TENM3: variants seen among roughly 807,000 people sequenced by gnomAD.
TENM3 encodes teneurin-3.
Under a neutral mutation model 255.1 loss-of-function variants are expected in TENM3, and 63 were observed. That is an observed-to-expected ratio of 0.25 (90% CI 0.20 to 0.30). TENM3 has a LOEUF of 0.30. Ranked by LOEUF, TENM3 falls within the 10% of genes least tolerant of loss-of-function variation. The pLI is 1.00. For synonymous variants in TENM3, 1,306 were observed against 1,322.3 expected, an observed-to-expected ratio of 0.99 and a Z score of 0.27; for missense variants, 2,929 against 3,461.1, an observed-to-expected ratio of 0.85 and a Z score of 3.86.
chr4:182,714,034 G>C, intron 12 of TENM3, 53 bp from the exon 13 acceptor site: 1 of 1,535,422 alleles, frequency 6.5e-7, no homozygotes, highest in South Asian at 1.1e-5. Context: ...TTTATTTTAG[G>C]TGCAAAAACT....
chr4:182,298,312 A>C (rs2150356641), intron 1 of TENM3, among the ~76,000 whole-genome samples: 1 of 152,258 alleles, frequency 6.6e-6, no homozygotes, highest in South Asian at 2.1e-4. Flanking sequence ...TTGGATAAAG[A>C]AATATAGAAA....
At chr4:182,535,380 G>T (rs1740201144) in intron 3 of TENM3, among the ~76,000 whole-genome samples, 1 of 152,150 alleles carries the variant, frequency 6.6e-6, no homozygotes. Flanking sequence ...AGACTCTGAG[G>T]CAAGGCAGAA....
chr4:181,684,271 T>G, the TENM3 span, among the ~76,000 whole-genome samples: 1 of 152,302 alleles, frequency 6.6e-6, no homozygotes, highest in African/African-American at 2.4e-5. Context: ...CCTAATTTTT[T>G]ACCAATCATT....
the TENM3 span, among the ~76,000 whole-genome samples, chr4:181,716,151 G>A: frequency 6.6e-6 from 1 of 152,156 alleles, no homozygotes; most frequent in Non-Finnish European, 1.5e-5. Flanking sequence ...TTCCGAAGTG[G>A]TTAAGAGTCT....
At chr4:181,540,575 G>A in the TENM3 span, among the ~76,000 whole-genome samples, 1 of 152,212 alleles carries the variant, frequency 6.6e-6, no homozygotes, top group East Asian at 1.9e-4. Context: ...CATGTTGGTA[G>A]CACATGCCCT....
Position 182,346,728 on chromosome 4 carries a change from G to C in TENM3, c.310G>C (p.Gly104Arg). The change falls in exon 3 of 28, where the codon GGG becomes CGG. Residue 104 changes from glycine to arginine, a missense_variant. Around this residue, in one of 6 missense-constraint regions of TENM3, gnomAD observed 283 missense variants for 256.9 expected, o/e 1.10. Coordinates refer to ENST00000511685, the MANE Select transcript of TENM3 (RefSeq NM_001080477.4). ...RRGLAFCAEM[G>R]LPHRGYSISA... ...AGGACTGGCATTTTGTGCGGAAATG[G>C]GGCTCCCTCACAGAGGTTACTCTAT... The C allele has an allele frequency of 6.2e-7, 1 of 1,613,660 alleles. No individual in the cohort carries two copies. Among genetic ancestry groups the C allele is most frequent in the Non-Finnish European group, 8.5e-7 (1 of 1,179,770 alleles).
intron 2 of TENM3, among the ~76,000 whole-genome samples, chr4:182,342,505 A>G (rs1287404180): frequency 1.3e-5 from 2 of 152,152 alleles, no homozygotes; most frequent in African/African-American, 4.8e-5. Context: ...GATAATTGGT[A>G]TAAGGTGTCT....
the TENM3 span, among the ~76,000 whole-genome samples, chr4:181,940,032 T>C: frequency 6.6e-6 from 1 of 152,226 alleles, no homozygotes; most frequent in South Asian, 2.1e-4. Context: ...TATGCACATG[T>C]TCTTTATGTT....
At chr4:182,314,092 C>G (rs2150434881) in intron 1 of TENM3, among the ~76,000 whole-genome samples, 1 of 152,166 alleles carries the variant, frequency 6.6e-6, no homozygotes, top group East Asian at 1.9e-4. Context: ...GCAGGCAGAT[C>G]ACGAGGTCAG....
chr4:181,533,736 TA>T, the TENM3 span, among the ~76,000 whole-genome samples: 3,389 of 143,632 alleles, frequency 0.024, 25 homozygotes, highest in Middle Eastern at 0.032. Context: ...GCCTTTAAAT[TA>T]AAAAAAAAAA....
In TENM3 at chr4:182,363,860, A is replaced by G. The variant is rs374295524; in HGVS notation, c.511+16931A>G. Among the ~76,000 whole-genome samples the G allele has an allele frequency of 3.3e-5, 5 of 152,290 alleles. No individual in the cohort carries two copies. The East Asian group carries it at 9.7e-4, about 29-fold the overall frequency. ...GGAGTGTTAATGTTCACAAAGAAAG[A>G]ACTTAAAATTTTAGCATACAGCAGA... On this transcript the variant is annotated intron_variant, in intron 3 of 27. Coordinates refer to ENST00000511685, the MANE Select transcript of TENM3 (RefSeq NM_001080477.4).
At chr4:181,469,999 A>G in the TENM3 span, among the ~76,000 whole-genome samples, 1 of 151,904 alleles carries the variant, frequency 6.6e-6, no homozygotes, top group Non-Finnish European at 1.5e-5. Context: ...CTCAGATCAT[A>G]ACATATGCGG....
At chr4:182,305,397 A>C (rs1580095756) in intron 1 of TENM3, among the ~76,000 whole-genome samples, 1 of 152,210 alleles carries the variant, frequency 6.6e-6, no homozygotes, top group Admixed American at 6.5e-5. Context: ...TCCTTCCAAC[A>C]TGCCACCAAA....
At chr4:181,570,523 A>C in the TENM3 span, among the ~76,000 whole-genome samples, 1 of 151,946 alleles carries the variant, frequency 6.6e-6, no homozygotes, top group Non-Finnish European at 1.5e-5. Context: ...AAGAAACAAA[A>C]TGAACGAAGG....
chr4:182,022,579 G>A, the TENM3 span, among the ~76,000 whole-genome samples: 1 of 150,800 alleles, frequency 6.6e-6, no homozygotes, highest in Non-Finnish European at 1.5e-5. Flanking sequence ...TACTGTCTTG[G>A]TAAACACCTA....
the TENM3 span, among the ~76,000 whole-genome samples, chr4:181,913,943 A>G: frequency 1.3e-5 from 2 of 152,204 alleles, no homozygotes; most frequent in Non-Finnish European, 2.9e-5. Flanking sequence ...GCTGAGAAGC[A>G]ATGTGATTGG....
rs1051426905 is a variant in TENM3, at chr4:182,800,255, C to T, written c.8004C>T (p.Asp2668=). 2.5e-6 allele frequency: 4 copies of T among 1,594,038 alleles called. No individual in the cohort carries two copies. The Admixed American group carries it at 6.7e-5, about 27-fold the overall frequency. The part of the protein sequence containing the change: ...LLSAGKVQGY[D]GYYVLSVEQY... Reference sequence around the variant, plus strand: ...GCGCCGGCAAGGTGCAGGGCTACGACGGGTACTACGTACTCTCGGTGGAGC... The same window carrying T: ...GCGCCGGCAAGGTGCAGGGCTACGATGGGTACTACGTACTCTCGGTGGAGC... Residue 2668 remains aspartate, a synonymous_variant, in exon 28 of 28, where the codon GAC becomes GAT. Transcript: ENST00000511685.
At chr4:182,650,306 GCTT>G (rs1381825006) in intron 5 of TENM3, among the ~76,000 whole-genome samples, 1 of 150,042 alleles carries the variant, frequency 6.7e-6, no homozygotes, top group East Asian at 2.0e-4. Context: ...AGCGCCCCCA[GCTT>G]CTTCTTGCCA....
At chr4:181,853,246 C>A in the TENM3 span, among the ~76,000 whole-genome samples, 3 of 152,170 alleles carry the variant, frequency 2.0e-5, no homozygotes, top group Non-Finnish European at 4.4e-5. Flanking sequence ...GAATTTATCT[C>A]CACGAACTGG....
Sources: gnomAD v4.1 joint callset for allele counts (sites outside exome capture counted in the v4.1 genomes callset) on GRCh38, gnomAD v4.1.1 for gene constraint, gnomAD v4.1.1 regional missense constraint, MANE v1.5 for transcripts, NCBI Gene and HGNC (gene_info 2026-07-23, HGNC 2026-07-21) for gene names.